SYBU: variants seen among roughly 807,000 people sequenced by gnomAD.
SYBU encodes the protein GOLSYN A protein.
Under a neutral mutation model 35.9 loss-of-function variants are expected in SYBU, and 21 were observed. The observed-to-expected ratio is 0.58, with a 90% CI of 0.41 to 0.84. The LOEUF is 0.84. Among genes scored for constraint, SYBU ranks in the 40% least tolerant of loss-of-function variants. The pLI is 0.00. For missense variants in SYBU, 768 were observed against 848.2 expected, an observed-to-expected ratio of 0.91 and a Z score of 1.17; for synonymous variants, 319 against 324.3, an observed-to-expected ratio of 0.98 and a Z score of 0.18.
chr8:109,689,159 T>C (rs915614997), intron 1 of SYBU, among the ~76,000 whole-genome samples: 1 of 152,166 alleles, frequency 6.6e-6, no homozygotes, highest in African/African-American at 2.4e-5. Context: ...TTTGAAATTA[T>C]TATAGACTCA....
chr8:109,579,766 C>A, intron 5 of SYBU, 33 bp downstream of exon 5: 1 of 1,589,224 alleles, frequency 6.3e-7, no homozygotes, highest in Non-Finnish European at 8.6e-7. Context: ...GTAGGACAAA[C>A]TAAGATGCAT....
At chr8:109,607,010 C>A (rs1168571719) in intron 3 of SYBU, among the ~76,000 whole-genome samples, 5 of 152,152 alleles carry the variant, frequency 3.3e-5, no homozygotes, top group Admixed American at 3.3e-4. Flanking sequence ...TATATGTGAA[C>A]AATCTAAATA....
intron 3 of SYBU, among the ~76,000 whole-genome samples, chr8:109,590,416 T>C (rs1334870022): frequency 6.6e-6 from 1 of 152,160 alleles, no homozygotes; most frequent in Non-Finnish European, 1.5e-5. Flanking sequence ...AGGTGTTTTT[T>C]TTTTTGCATT....
intron 3 of SYBU, among the ~76,000 whole-genome samples, chr8:109,618,304 T>C (rs898771456): frequency 2.0e-5 from 3 of 152,262 alleles, no homozygotes; most frequent in Non-Finnish European, 2.9e-5. Flanking sequence ...TTTCATCTTA[T>C]AGCTTCTAAT....
intron 1 of SYBU, among the ~76,000 whole-genome samples, chr8:109,656,531 G>T (rs529122693): frequency 6.6e-5 from 10 of 152,048 alleles, no homozygotes; most frequent in Non-Finnish European, 1.3e-4. Context: ...AAGATTATTC[G>T]TTGCTAAAAA....
intron 5 of SYBU, among the ~76,000 whole-genome samples, chr8:109,579,355 T>A (rs553230736): frequency 6.6e-6 from 1 of 152,206 alleles, no homozygotes; most frequent in African/African-American, 2.4e-5. Context: ...CCAGACTGCG[T>A]TGGACACCCT....
At chr8:109,631,347 T>A (rs1586888282) in intron 2 of SYBU, among the ~76,000 whole-genome samples, 1 of 152,308 alleles carries the variant, frequency 6.6e-6, no homozygotes. Flanking sequence ...GTGGAGTAAT[T>A]ATTTACTGAG....
chr8:109,576,684 T>A (rs1375025713), intron 6 of SYBU, among the ~76,000 whole-genome samples: 1 of 152,188 alleles, frequency 6.6e-6, no homozygotes, highest in Non-Finnish European at 1.5e-5. Flanking sequence ...TAATATTGAA[T>A]TCATCCTACA....
At chr8:109,660,041 A>C (rs964654324) in intron 1 of SYBU, among the ~76,000 whole-genome samples, 2 of 152,166 alleles carry the variant, frequency 1.3e-5, no homozygotes, top group African/African-American at 4.8e-5. Flanking sequence ...AAATGTTTCT[A>C]ATTTTGAGCC....
chr8:109,641,708 G>A (rs1814901178), intron 2 of SYBU, among the ~76,000 whole-genome samples: 1 of 152,226 alleles, frequency 6.6e-6, no homozygotes, highest in Non-Finnish European at 1.5e-5. Flanking sequence ...GAAGTTGCTA[G>A]TATAAAATTC....
chr8:109,667,720 T>C (rs1816808661), intron 1 of SYBU, among the ~76,000 whole-genome samples: 1 of 152,194 alleles, frequency 6.6e-6, no homozygotes, highest in Admixed American at 6.5e-5. Context: ...CTTGACCTCC[T>C]GGTCTCAAGC....
In SYBU at chr8:109,661,463, C is replaced by A. The variant is rs78211528; in HGVS notation, c.-129+19248G>T. Reference sequence around the variant, plus strand: ...GAGAGATCCCTTATGCAGGCTTAGACAGGGATGTCCCTCTTTCATTCACAG... The same window carrying A: ...GAGAGATCCCTTATGCAGGCTTAGAAAGGGATGTCCCTCTTTCATTCACAG... On this transcript the variant is annotated intron_variant, in intron 1 of 5. Transcript: ENST00000408889. 8.9e-4 allele frequency among the ~76,000 whole-genome samples: 135 copies of A among 152,304 alleles called. 1 individual carries two copies. The East Asian group carries it at 0.025, about 28-fold the overall frequency.
chr8:109,685,399 C>T (rs1817497605), upstream of SYBU, among the ~76,000 whole-genome samples: 2 of 152,164 alleles, frequency 1.3e-5, no homozygotes, highest in African/African-American at 4.8e-5. Context: ...CCAATTCTAG[C>T]TCTTTTTGCA....
chr8:109,603,501 C>T (rs998993167), intron 3 of SYBU: 3 of 552,562 alleles, frequency 5.4e-6, no homozygotes, highest in Non-Finnish European at 6.9e-6. Context: ...AGCTACTCTG[C>T]CCCACCCCCC....
intron 1 of SYBU, among the ~76,000 whole-genome samples, chr8:109,655,855 C>T (rs1563767810): frequency 6.6e-6 from 1 of 152,150 alleles, no homozygotes; most frequent in Non-Finnish European, 1.5e-5. Flanking sequence ...TGGCTCACGC[C>T]TGTAATCCCA....
intron 2 of SYBU, among the ~76,000 whole-genome samples, chr8:109,622,043 G>A (rs1193966061): frequency 2.0e-5 from 3 of 152,158 alleles, no homozygotes; most frequent in East Asian, 1.9e-4. Flanking sequence ...CCGGTTGGAA[G>A]CTGACCACCA....
At chr8:109,579,384 C>T (rs1171901935) in intron 5 of SYBU, among the ~76,000 whole-genome samples, 3 of 152,156 alleles carry the variant, frequency 2.0e-5, no homozygotes, top group African/African-American at 7.2e-5. Context: ...TTCACACACC[C>T]CTGTAGCAAC....
chr8:109,667,990 G>A (rs758391726), intron 1 of SYBU, among the ~76,000 whole-genome samples: 3 of 152,126 alleles, frequency 2.0e-5, no homozygotes, highest in Admixed American at 2.0e-4. Flanking sequence ...GAGAGCTGGC[G>A]TGACACCACC....
chr8:109,650,834 T>C (rs1040357036), intron 1 of SYBU, among the ~76,000 whole-genome samples: 1 of 152,232 alleles, frequency 6.6e-6, no homozygotes, highest in Non-Finnish European at 1.5e-5. Context: ...TAAAAAAGGA[T>C]ACTAAACCAT....
Sources: allele counts gnomAD v4.1 joint callset (sites outside exome capture counted in the v4.1 genomes callset), GRCh38; gene constraint gnomAD v4.1.1; transcripts MANE v1.5; gene names NCBI Gene and HGNC (gene_info 2026-07-23, HGNC 2026-07-21).